Variants in HDX observed in about 807,000 individuals in gnomAD.
The protein encoded by HDX is chromosome X open reading frame 43.
A neutral mutation model predicts 45.2 loss-of-function variants in HDX; 19 were observed. That is an observed-to-expected ratio of 0.42 (90% CI 0.29 to 0.62). The LOEUF (loss-of-function observed/expected upper bound fraction) is 0.62, where lower values mean the gene tolerates loss of function less well. HDX is among the 20% of genes least tolerant of loss of function. HDX has a pLI of 0.20. For synonymous variants in HDX, 188 were observed against 172.8 expected, an observed-to-expected ratio of 1.09 and a Z score of -0.69; for missense variants, 532 against 493.9, an observed-to-expected ratio of 1.08 and a Z score of -0.73.
intron 1 of HDX, among the ~76,000 whole-genome samples, chrX:84,499,591 G>T (rs1189076272): frequency 9.0e-6 from 1 of 111,586 alleles, no homozygotes; most frequent in Non-Finnish European, 1.9e-5. Context: ...TAACATTCAT[G>T]GTTCACTTAC....
chrX:84,465,675 C>T lies in HDX; in HGVS notation c.1251+2797G>A, dbSNP rs180806994. Among the ~76,000 whole-genome samples the T allele has an allele frequency of 5.0e-3, 554 of 111,161 alleles. 4 individuals are homozygous for T. The highest frequency in any genetic ancestry group is 3.1e-3 in the Non-Finnish European group (162 of 52,946). ...TCACACACTGGGGCCCGTTGGGGGG[C>T]GGGTGCCTAGGGGAGGGATAGCATT... On this transcript the variant is annotated intron_variant, in intron 4 of 10. Coordinates refer to ENST00000373177, the MANE Select transcript of HDX (RefSeq NM_001177479.2).
chrX:84,415,803 A>G (rs181080050), intron 5 of HDX, among the ~76,000 whole-genome samples: 190 of 112,117 alleles, frequency 1.7e-3, no homozygotes, highest in Middle Eastern at 4.6e-3. Context: ...CTTTTCCACA[A>G]TTTCCACAAA....
intron 4 of HDX, among the ~76,000 whole-genome samples, chrX:84,466,553 T>A (rs1311973517): frequency 2.7e-5 from 3 of 112,071 alleles, no homozygotes; most frequent in Non-Finnish European, 3.8e-5. Context: ...TTTGTTGCAA[T>A]AAATAAAATA....
chrX:84,350,264 T>C (rs931218464), intron 6 of HDX, among the ~76,000 whole-genome samples: 2 of 111,366 alleles, frequency 1.8e-5, no homozygotes, highest in Non-Finnish European at 3.8e-5. Flanking sequence ...TTTACTCTTT[T>C]TGTGTATTCC....
chrX:84,376,413 G>C, intron 5 of HDX, among the ~76,000 whole-genome samples: 1 of 111,718 alleles, frequency 9.0e-6, no homozygotes. Context: ...CCACAACTGG[G>C]TAGAGCACAA....
In HDX at chrX:84,344,314, T is replaced by G. The variant is rs1323911168; in HGVS notation, c.1596A>C (p.Glu532Asp). ...ALTPGEEAGPEVGEDNDRNDE... is the reference protein window; with the variant it reads ...ALTPGEEAGPDVGEDNDRNDE... ...CATTTCTGTCATTATCCTCTCCTAC[T>G]TCAGGCCCAGCTTCCTCTCCTGGTG... Residue 532 changes from glutamate (E) to aspartate (D), a missense_variant, in exon 7 of 11, where the codon GAA becomes GAC. Glu to Asp is a conservative substitution (Grantham distance 45). Around this residue, in one of 3 missense-constraint regions of HDX, gnomAD observed 151 missense variants for 131.8 expected, o/e 1.15. Transcript: ENST00000373177. 8.3e-7 allele frequency: 1 copy of G among 1,207,206 alleles called. No homozygotes were observed. The highest frequency in any genetic ancestry group is 3.0e-5 in the East Asian group (1 of 33,715).
chrX:84,376,248 C>A (rs1194045656), intron 5 of HDX, among the ~76,000 whole-genome samples: 1 of 112,384 alleles, frequency 8.9e-6, no homozygotes. Context: ...GGTACTACGC[C>A]AAGGGTCTTG....
intron 4 of HDX, among the ~76,000 whole-genome samples, chrX:84,444,099 T>C (rs1381830614): frequency 9.0e-6 from 1 of 110,848 alleles, no homozygotes; most frequent in African/African-American, 3.3e-5. Context: ...TCTTAAAAGA[T>C]GTGTAGAACT....
intron 4 of HDX, among the ~76,000 whole-genome samples, chrX:84,448,344 C>G (rs1028579543): frequency 1.3e-4 from 14 of 111,146 alleles, no homozygotes; most frequent in Non-Finnish European, 2.3e-4. Context: ...TGGCTGGAGG[C>G]CCAAGAATCA....
chrX:84,447,092 G>C (rs1317050856), intron 4 of HDX, among the ~76,000 whole-genome samples: 1 of 111,561 alleles, frequency 9.0e-6, no homozygotes, highest in Non-Finnish European at 1.9e-5. Flanking sequence ...ATGGACCCTT[G>C]GGGAAAGAGA....
chrX:84,401,458 G>A (rs181029932), intron 5 of HDX, among the ~76,000 whole-genome samples: 1 of 112,115 alleles, frequency 8.9e-6, no homozygotes, highest in Admixed American at 9.4e-5. Flanking sequence ...ATGAAAAAAA[G>A]CTCAGCATCA....
chrX:84,351,009 G>GGCTA (rs1261776193), intron 6 of HDX, among the ~76,000 whole-genome samples: 5 of 99,388 alleles, frequency 5.0e-5, no homozygotes, highest in African/African-American at 1.6e-4. Flanking sequence ...GATTGATCCA[G>GGCTA]GCTATCTATC....
At position 84,349,167 on chromosome X, in the gene HDX, G is replaced by GT. The variant is rs2037274344; in HGVS notation, c.1453-4711dup. On this transcript the variant is annotated intron_variant, in intron 6 of 10. Transcript: ENST00000373177. ...TTTCTGCTCATGGAATTCTGCTCCA[G>GT]TAAGTTGTGATTCTCTGTATCTGCC... Among the ~76,000 whole-genome samples the GT allele has an allele frequency of 4.5e-5, 5 of 110,996 alleles. No individual in the cohort carries two copies. In the South Asian group the frequency reaches 1.9e-3, roughly 42 times the overall value.
At chrX:84,339,812 T>C (rs905908217) in intron 7 of HDX, among the ~76,000 whole-genome samples, 4 of 111,786 alleles carry the variant, frequency 3.6e-5, no homozygotes, top group Admixed American at 9.5e-5. Flanking sequence ...GAGGCTGTGA[T>C]GTAAAATTTA....
intron 2 of HDX, among the ~76,000 whole-genome samples, chrX:84,483,998 T>C (rs2040740263): frequency 9.0e-6 from 1 of 111,703 alleles, no homozygotes; most frequent in Non-Finnish European, 1.9e-5. Context: ...ATTGTCCATA[T>C]CACTATCAAC....
chrX:84,365,446 T>C (rs183003585), intron 5 of HDX, among the ~76,000 whole-genome samples: 42 of 111,153 alleles, frequency 3.8e-4, no homozygotes, highest in African/African-American at 1.3e-3. Context: ...CAGAGCCATA[T>C]GGGGCTACAC....
intron 4 of HDX, among the ~76,000 whole-genome samples, chrX:84,454,466 C>T (rs1219819737): frequency 7.2e-5 from 8 of 111,263 alleles, no homozygotes; most frequent in African/African-American, 2.3e-4. Context: ...GAGGTGGTGG[C>T]GGCCAAGAGG....
At chrX:84,382,778 A>G (rs867219527) in intron 5 of HDX, among the ~76,000 whole-genome samples, 3 of 111,295 alleles carry the variant, frequency 2.7e-5, no homozygotes, top group South Asian at 3.8e-4. Context: ...AAGACATACT[A>G]CTTGATAGCA....
At chrX:84,368,479 G>T (rs1322437146) in intron 5 of HDX, among the ~76,000 whole-genome samples, 1 of 111,321 alleles carries the variant, frequency 9.0e-6, no homozygotes, top group Non-Finnish European at 1.9e-5. Context: ...AGTGAAAATG[G>T]CTTGTTAACT....
Sources: gnomAD v4.1 joint callset for allele counts (sites outside exome capture counted in the v4.1 genomes callset) on GRCh38, gnomAD v4.1.1 for gene constraint, gnomAD v4.1.1 regional missense constraint, MANE v1.5 for transcripts, NCBI Gene and HGNC (gene_info 2026-07-23, HGNC 2026-07-21) for gene names.